Variants in NXPE2 observed in about 807,000 individuals in gnomAD.
NXPE2 encodes NXPE family member 2.
A neutral mutation model predicts 34.4 loss-of-function variants in NXPE2; 34 were observed. That is an observed-to-expected ratio of 0.99 (90% confidence interval 0.75 to 1.31). The LOEUF (loss-of-function observed/expected upper bound fraction) is 1.31. Among genes scored for constraint, NXPE2 ranks in the 40% most tolerant of loss-of-function variants. The pLI, the probability that NXPE2 is intolerant of heterozygous loss-of-function variation, is 0.00. For synonymous variants in NXPE2, 235 were observed against 231.3 expected (o/e 1.02, Z -0.15); for missense variants, 649 against 672.5 (o/e 0.97, Z 0.39).
the NXPE2 span, among the ~76,000 whole-genome samples, chr11:114,599,531 A>G: frequency 6.6e-6 from 1 of 152,158 alleles, no homozygotes; most frequent in Non-Finnish European, 1.5e-5. Flanking sequence ...CTATAAAAAT[A>G]TTTGAGACTG....
At chr11:114,583,917 A>G in the NXPE2 span, 10 of 394,830 alleles carry the variant, frequency 2.5e-5, no homozygotes, top group African/African-American at 1.7e-4. Flanking sequence ...GGCAGATATT[A>G]TGCTATTAAC....
the NXPE2 span, among the ~76,000 whole-genome samples, chr11:114,771,915 G>C: frequency 6.6e-6 from 1 of 152,236 alleles, no homozygotes; most frequent in African/African-American, 2.4e-5. Flanking sequence ...AAGCACTGAT[G>C]AGTGGCACCA....
intron 2 of NXPE2, among the ~76,000 whole-genome samples, chr11:114,693,534 G>A (rs1035099500): frequency 1.3e-5 from 2 of 152,192 alleles, no homozygotes; most frequent in African/African-American, 2.4e-5. Context: ...AAGTAATACA[G>A]TGAAGTCTTT....
At chr11:114,758,070 C>T in the NXPE2 span, among the ~76,000 whole-genome samples, 3 of 152,276 alleles carry the variant, frequency 2.0e-5, no homozygotes, top group South Asian at 6.2e-4. Flanking sequence ...TCCCAGCCTC[C>T]ACAGGTGTAG....
chr11:114,771,190 G>A, the NXPE2 span, among the ~76,000 whole-genome samples: 28 of 151,636 alleles, frequency 1.8e-4, no homozygotes, highest in Non-Finnish European at 3.7e-4. Context: ...GTCAAATGTG[G>A]AGTATTTGCA....
the NXPE2 span, among the ~76,000 whole-genome samples, chr11:114,791,872 G>A: frequency 1.3e-5 from 2 of 152,098 alleles, no homozygotes; most frequent in African/African-American, 2.4e-5. Context: ...TGGCTAACAC[G>A]GTGAAACCCT....
intron 2 of NXPE2, among the ~76,000 whole-genome samples, chr11:114,693,277 A>T (rs928435900): frequency 6.6e-6 from 1 of 152,200 alleles, no homozygotes; most frequent in African/African-American, 2.4e-5. Context: ...TGGAGGACAA[A>T]TAATGGACAC....
Position 114,698,101 on chromosome 11 carries a change from A to G in NXPE2, c.189A>G (p.Lys63=). Residue 63 remains lysine (K), a synonymous_variant, in exon 3 of 6, where the codon AAA becomes AAG. Coordinates refer to ENST00000389586, the MANE Select transcript of NXPE2 (RefSeq NM_182495.6). ...TGAACCAAGGGAACATCTTCAAAAAATATTCACACTCTGAAACACCACTGT... is the reference window on the plus strand; with the variant it reads ...TGAACCAAGGGAACATCTTCAAAAAGTATTCACACTCTGAAACACCACTGT... ...IILNQGNIFK[K]YSHSETPLCP... is the part of the protein sequence containing the mutation. 1 of 1,608,258 alleles carries G rather than the reference A, an allele frequency of 6.2e-7. No homozygotes were observed. Among genetic ancestry groups the G allele is most frequent in the Non-Finnish European group, 8.5e-7 (1 of 1,176,788 alleles).
At chr11:114,755,371 C>T in the NXPE2 span, among the ~76,000 whole-genome samples, 2 of 152,270 alleles carry the variant, frequency 1.3e-5, no homozygotes, top group African/African-American at 4.8e-5. Flanking sequence ...TTTTTCTTCT[C>T]TTGCTGTAGA....
At chr11:114,632,951 A>G in the NXPE2 span, among the ~76,000 whole-genome samples, 4 of 100,766 alleles carry the variant, frequency 4.0e-5, no homozygotes, top group East Asian at 5.2e-4. Flanking sequence ...ATTATATGAT[A>G]TTTTATATAA....
the NXPE2 span, among the ~76,000 whole-genome samples, chr11:114,801,404 CT>C: frequency 1.3e-5 from 2 of 152,138 alleles, no homozygotes; most frequent in African/African-American, 4.8e-5. Context: ...GGAAAGAAGA[CT>C]TAATGAAGGA....
chr11:114,582,637 C>A, the NXPE2 span: 2 of 1,614,002 alleles, frequency 1.2e-6, no homozygotes, highest in East Asian at 4.5e-5. Flanking sequence ...AGGTAGGTGC[C>A]GTTGTTGAAG....
At chr11:114,655,320 T>A in the NXPE2 span, among the ~76,000 whole-genome samples, 3 of 152,220 alleles carry the variant, frequency 2.0e-5, no homozygotes, top group African/African-American at 7.2e-5. Flanking sequence ...CAAAAACTCT[T>A]TAGTTTAATT....
the NXPE2 span, among the ~76,000 whole-genome samples, chr11:114,497,498 A>G: frequency 6.7e-6 from 1 of 148,188 alleles, no homozygotes; most frequent in Non-Finnish European, 1.5e-5. Flanking sequence ...TACTTTTTCT[A>G]TGTTTAGATA....
chr11:114,793,098 C>T, the NXPE2 span, among the ~76,000 whole-genome samples: 1 of 152,174 alleles, frequency 6.6e-6, no homozygotes, highest in African/African-American at 2.4e-5. Context: ...ACTAGTGATA[C>T]AGAACAGGTC....
At chr11:114,571,581 T>C in the NXPE2 span, 2 of 1,045,570 alleles carry the variant, frequency 1.9e-6, no homozygotes, top group Non-Finnish European at 2.8e-6. Context: ...AAGCTAATCA[T>C]GTCTAATTTA....
At chr11:114,792,942 C>T in the NXPE2 span, among the ~76,000 whole-genome samples, 3 of 152,186 alleles carry the variant, frequency 2.0e-5, no homozygotes, top group Non-Finnish European at 4.4e-5. Flanking sequence ...TCTAAAGCTT[C>T]TGCTTGAATG....
At chr11:114,779,963 T>C in the NXPE2 span, among the ~76,000 whole-genome samples, 1 of 152,174 alleles carries the variant, frequency 6.6e-6, no homozygotes. Flanking sequence ...CAGAGGCCAC[T>C]GGTTTTTATC....
chr11:114,773,073 TCTC>T, the NXPE2 span, among the ~76,000 whole-genome samples: 2 of 152,140 alleles, frequency 1.3e-5, no homozygotes, highest in African/African-American at 4.8e-5. Context: ...GGTGAGATGA[TCTC>T]AGTGCACTAA....
Sources: allele counts gnomAD v4.1 joint callset (sites outside exome capture counted in the v4.1 genomes callset), GRCh38; gene constraint gnomAD v4.1.1; transcripts MANE v1.5; gene names NCBI Gene and HGNC (gene_info 2026-07-23, HGNC 2026-07-21).